The following CCDC148 variants were observed in gnomAD, a reference collection of about 807,000 sequenced individuals.
The protein encoded by CCDC148 is coiled-coil domain-containing protein 148.
A neutral mutation model predicts 85.7 loss-of-function variants in CCDC148; 89 were observed. That is an observed-to-expected ratio of 1.04 (90% CI 0.87 to 1.24). CCDC148 has a LOEUF of 1.24. Ranked by LOEUF, CCDC148 falls within the 50% of genes most tolerant of loss-of-function variation. The probability of loss-of-function intolerance (pLI) is 0.00; values close to 1 mark genes in which losing one functional copy is unlikely to be tolerated. For synonymous variants in CCDC148, 230 were observed against 213.9 expected, an observed-to-expected ratio of 1.08 and a Z score of -0.66; for missense variants, 692 against 671.7, an observed-to-expected ratio of 1.03 and a Z score of -0.33.
intron 1 of CCDC148, among the ~76,000 whole-genome samples, chr2:158,412,270 G>T (rs1029165739): frequency 2.0e-5 from 3 of 152,098 alleles, no homozygotes; most frequent in African/African-American, 7.2e-5. Flanking sequence ...CCCAGTTGTT[G>T]TGCTACCTGG....
chr2:158,299,669 G>A (rs1483463891), intron 9 of CCDC148, among the ~76,000 whole-genome samples: 1 of 152,176 alleles, frequency 6.6e-6, no homozygotes, highest in African/African-American at 2.4e-5. Flanking sequence ...GTGAGGGTGA[G>A]TCTGACAACA....
At chr2:158,425,348 C>T in intron 1 of CCDC148, 1 of 494,592 alleles carries the variant, frequency 2.0e-6, no homozygotes, top group South Asian at 1.6e-5. Flanking sequence ...CTAAAATAAC[C>T]CATCTTGCAG....
chr2:158,234,825 GA>G (rs573544866), intron 10 of CCDC148, among the ~76,000 whole-genome samples: 2 of 152,256 alleles, frequency 1.3e-5, no homozygotes, highest in East Asian at 3.9e-4. Context: ...TGGATATGTA[GA>G]AAAAAGAGTG....
chr2:158,173,975 G>A (rs1684446536), intron 13 of CCDC148, among the ~76,000 whole-genome samples: 1 of 151,860 alleles, frequency 6.6e-6, no homozygotes, highest in Non-Finnish European at 1.5e-5. Flanking sequence ...CTTCCCCACA[G>A]GCAGCCCATC....
intron 1 of CCDC148, among the ~76,000 whole-genome samples, chr2:158,430,563 G>A (rs1165613060): frequency 3.9e-5 from 6 of 152,144 alleles, no homozygotes; most frequent in East Asian, 1.9e-4. Context: ...GATCAGTAGC[G>A]TGACTACAGT....
At chr2:158,226,053 G>A (rs1687499658) in intron 10 of CCDC148, among the ~76,000 whole-genome samples, 3 of 152,066 alleles carry the variant, frequency 2.0e-5, no homozygotes, top group Admixed American at 2.0e-4. Flanking sequence ...TTGATAGACT[G>A]CTAGCAAGAC....
chr2:158,291,237 G>C (rs566111783), intron 9 of CCDC148, among the ~76,000 whole-genome samples: 2 of 152,198 alleles, frequency 1.3e-5, no homozygotes, highest in East Asian at 3.9e-4. Context: ...ACAGGCATGT[G>C]CCACGGTCCC....
In CCDC148 at chr2:158,172,161, A is replaced by C. The variant is rs775201501; in HGVS notation, c.1728T>G (p.Pro576=). Residue 576 remains proline, a synonymous_variant, in exon 14 of 14, where the codon CCT becomes CCG. Coordinates refer to ENST00000283233, the MANE Select transcript of CCDC148 (RefSeq NM_138803.4). ...CCATGTCCTTTCTTGGAGGTTTTTG[A>C]GGACTAATTTTTGGTAATATCTCTT... ...YAKEILPKIS[P]QKPPRKDMES... is the part of the protein sequence containing the mutation. The C allele has an allele frequency of 6.2e-7, 1 of 1,610,040 alleles. No homozygotes were observed.
intron 11 of CCDC148, among the ~76,000 whole-genome samples, chr2:158,199,361 C>T (rs1013028669): frequency 9.2e-5 from 14 of 152,104 alleles, no homozygotes; most frequent in African/African-American, 2.9e-4. Context: ...TCTCCTGCCT[C>T]GGCCTCCCAA....
intron 9 of CCDC148, among the ~76,000 whole-genome samples, chr2:158,271,144 C>T (rs1383835808): frequency 6.6e-6 from 1 of 152,158 alleles, no homozygotes; most frequent in African/African-American, 2.4e-5. Context: ...CTTTCATCAT[C>T]TAATAGATTT....
intron 1 of CCDC148, among the ~76,000 whole-genome samples, chr2:158,362,855 C>T (rs778846598): frequency 6.6e-5 from 10 of 152,050 alleles, no homozygotes; most frequent in Non-Finnish European, 8.8e-5. Flanking sequence ...ACACAAAAAA[C>T]CCTTCAAAAA....
intron 8 of CCDC148, among the ~76,000 whole-genome samples, 188 bp from the exon 9 acceptor site, chr2:158,309,827 A>C (rs1304452707): frequency 6.6e-6 from 1 of 152,240 alleles, no homozygotes; most frequent in Non-Finnish European, 1.5e-5. Flanking sequence ...CCCATGGCTA[A>C]TTGGTGACTG....
chr2:158,224,751 G>A (rs769832618), intron 10 of CCDC148, among the ~76,000 whole-genome samples: 2 of 152,138 alleles, frequency 1.3e-5, no homozygotes, highest in African/African-American at 4.8e-5. Flanking sequence ...ACAAGCAAAT[G>A]CTGAGAGATT....
At chr2:158,332,410 C>A (rs941786221) in intron 7 of CCDC148, among the ~76,000 whole-genome samples, 1 of 146,918 alleles carries the variant, frequency 6.8e-6, no homozygotes, top group South Asian at 2.1e-4. Context: ...TTGTGGGTAA[C>A]CCGACCTTTC....
intron 10 of CCDC148, among the ~76,000 whole-genome samples, chr2:158,227,834 G>C (rs954862966): frequency 1.3e-5 from 2 of 152,066 alleles, no homozygotes; most frequent in South Asian, 2.1e-4. Context: ...TTAAATGTTA[G>C]ACCTAAAACC....
intron 1 of CCDC148, among the ~76,000 whole-genome samples, chr2:158,362,672 T>C (rs972310039): frequency 2.0e-5 from 3 of 152,164 alleles, no homozygotes; most frequent in African/African-American, 4.8e-5. Context: ...TAAAGCAGTG[T>C]GTAGAGGGAA....
intron 9 of CCDC148, among the ~76,000 whole-genome samples, chr2:158,300,301 C>T (rs1156572629): frequency 6.6e-6 from 1 of 152,136 alleles, no homozygotes; most frequent in Admixed American, 6.5e-5. Context: ...TTACTGAGCA[C>T]CTATCAGGTC....
chr2:158,403,514 C>A (rs529246053), intron 1 of CCDC148, among the ~76,000 whole-genome samples: 1 of 152,026 alleles, frequency 6.6e-6, no homozygotes, highest in Non-Finnish European at 1.5e-5. Context: ...AGCTACTGAC[C>A]TTTATATGAA....
chr2:158,247,515 C>T (rs2105138332), intron 10 of CCDC148, among the ~76,000 whole-genome samples: 1 of 152,176 alleles, frequency 6.6e-6, no homozygotes. Context: ...TGTCAACCAC[C>T]AAAGAGAATG....
Sources: gnomAD v4.1 joint callset for allele counts (sites outside exome capture counted in the v4.1 genomes callset) on GRCh38, gnomAD v4.1.1 for gene constraint, MANE v1.5 for transcripts, NCBI Gene and HGNC (gene_info 2026-07-23, HGNC 2026-07-21) for gene names.